Variants in GULP1 observed in about 807,000 individuals in gnomAD.
GULP1 encodes GULP PTB domain containing engulfment adaptor 1, also known as PTB domain-containing engulfment adapter protein 1.
Under a neutral mutation model 40.9 loss-of-function variants are expected in GULP1, and 19 were observed. The ratio of observed to expected loss-of-function variants is 0.46; its 90% CI spans 0.32 to 0.68. The LOEUF (loss-of-function observed/expected upper bound fraction) is 0.68. Ranked by LOEUF, GULP1 falls within the 30% of genes least tolerant of loss-of-function variation. GULP1 has a pLI of 0.03. For missense variants in GULP1, 312 were observed against 362.2 expected (o/e 0.86, Z 1.12); for synonymous variants, 119 against 117.6 (o/e 1.01, Z -0.08).
chr2:188,443,105 G>A (rs2058076999), intron 2 of GULP1, among the ~76,000 whole-genome samples: 1 of 151,988 alleles, frequency 6.6e-6, no homozygotes, highest in South Asian at 2.1e-4. Flanking sequence ...TTTGTATAAT[G>A]GTCTTGGGGA....
chr2:188,333,686 CAT>C (rs1373788414), intron 1 of GULP1, among the ~76,000 whole-genome samples: 2 of 152,158 alleles, frequency 1.3e-5, no homozygotes, highest in African/African-American at 4.8e-5. Context: ...ATTTAGAAGA[CAT>C]GTAATTTTAC....
chr2:188,507,670 C>T (rs2064070738), intron 4 of GULP1, among the ~76,000 whole-genome samples: 1 of 151,826 alleles, frequency 6.6e-6, no homozygotes, highest in Non-Finnish European at 1.5e-5. Flanking sequence ...ACTGAAGTGG[C>T]ATGTCACAAA....
intron 9 of GULP1, among the ~76,000 whole-genome samples, chr2:188,583,224 A>G (rs1209220515): frequency 1.3e-5 from 2 of 152,180 alleles, no homozygotes; most frequent in Non-Finnish European, 1.5e-5. Flanking sequence ...CATGAAAAAT[A>G]ATGTACTAGC....
intron 1 of GULP1, among the ~76,000 whole-genome samples, chr2:188,366,082 T>C (rs1275001711): frequency 2.0e-5 from 3 of 152,080 alleles, no homozygotes; most frequent in African/African-American, 7.2e-5. Context: ...GTTATCCAAC[T>C]TTCTGTGACA....
chr2:188,450,227 T>A (rs1202323477), intron 2 of GULP1, among the ~76,000 whole-genome samples: 3 of 152,190 alleles, frequency 2.0e-5, no homozygotes, highest in African/African-American at 7.2e-5. Context: ...TGAAAATAAT[T>A]ATTTTACTGA....
intron 9 of GULP1, among the ~76,000 whole-genome samples, chr2:188,577,559 GA>G (rs1262965841): frequency 1.3e-5 from 2 of 152,206 alleles, no homozygotes; most frequent in East Asian, 3.9e-4. Flanking sequence ...CTAACGGGAA[GA>G]AAAATATGTT....
intron 4 of GULP1, among the ~76,000 whole-genome samples, chr2:188,491,894 C>A (rs1329982059): frequency 1.3e-5 from 2 of 152,124 alleles, no homozygotes; most frequent in East Asian, 3.9e-4. Flanking sequence ...CATATTTTTA[C>A]ATTTAAGAAT....
chr2:188,492,651 A>G (rs180896958), intron 4 of GULP1, among the ~76,000 whole-genome samples: 1 of 151,898 alleles, frequency 6.6e-6, no homozygotes, highest in African/African-American at 2.4e-5. Context: ...ATTAACTTTA[A>G]AAAAAAAGAA....
At chr2:188,465,733 C>A (rs1006198423) in intron 2 of GULP1, among the ~76,000 whole-genome samples, 6 of 152,126 alleles carry the variant, frequency 3.9e-5, no homozygotes, top group Non-Finnish European at 8.8e-5. Flanking sequence ...ACAAGGGCAG[C>A]ACTGAGTTCA....
At chr2:188,310,423 G>A (rs1003923970) in intron 1 of GULP1, among the ~76,000 whole-genome samples, 3 of 152,194 alleles carry the variant, frequency 2.0e-5, no homozygotes, top group Non-Finnish European at 4.4e-5. Context: ...GAAATTGTTG[G>A]TTGATTGGAT....
chr2:188,537,279 T>C (rs1324437588), intron 6 of GULP1, among the ~76,000 whole-genome samples: 1 of 152,096 alleles, frequency 6.6e-6, no homozygotes, highest in African/African-American at 2.4e-5. Context: ...TCAAGGGGAA[T>C]GTTCCAGCTT....
At position 188,442,481 on chromosome 2, in the gene GULP1, A is replaced by G. The variant is rs530085049; in HGVS notation, c.-44-35178A>G. The stretch of plus-strand genomic sequence containing the variant: ...GCATTTAGATGTTATATTTATAAAA[A>G]TAAAACAAAAACACTTTCTAAGCCA... On this transcript the variant is annotated intron_variant, in intron 2 of 11. Transcript: ENST00000409830. Among the ~76,000 whole-genome samples, 69 of 152,362 alleles carry G rather than the reference A, an allele frequency of 4.5e-4. 3 individuals carry two copies. The South Asian group carries it at 0.014, about 31-fold the overall frequency.
At chr2:188,535,628 A>T (rs142358113) in intron 6 of GULP1, among the ~76,000 whole-genome samples, 1,872 of 152,234 alleles carry the variant, frequency 0.012, 19 homozygotes, top group South Asian at 0.057. Context: ...TGCCATTATG[A>T]ATAGTGCTGC....
chr2:188,374,384 A>C (rs2048021241), intron 1 of GULP1, among the ~76,000 whole-genome samples: 1 of 152,132 alleles, frequency 6.6e-6, no homozygotes, highest in East Asian at 1.9e-4. Flanking sequence ...AACTCAGTTA[A>C]GCCAAAGAAT....
intron 2 of GULP1, among the ~76,000 whole-genome samples, chr2:188,415,772 T>C (rs906122276): frequency 1.3e-5 from 2 of 152,154 alleles, no homozygotes; most frequent in East Asian, 1.9e-4. Flanking sequence ...AATTGAGTCC[T>C]GAAACTGAGT....
At chr2:188,377,630 C>T (rs938324547) in intron 1 of GULP1, among the ~76,000 whole-genome samples, 1 of 152,052 alleles carries the variant, frequency 6.6e-6, no homozygotes, top group Admixed American at 6.6e-5. Flanking sequence ...CCCAAACTTT[C>T]GATTAGGGAT....
intron 1 of GULP1, among the ~76,000 whole-genome samples, chr2:188,377,159 G>A (rs1162060376): frequency 6.7e-6 from 1 of 150,106 alleles, no homozygotes; most frequent in East Asian, 2.0e-4. Flanking sequence ...GCAACAGAGC[G>A]AGACTCCATC....
At chr2:188,558,521 T>G (rs1304959729) in intron 7 of GULP1, among the ~76,000 whole-genome samples, 2 of 152,112 alleles carry the variant, frequency 1.3e-5, no homozygotes, top group South Asian at 4.1e-4. Context: ...ATAGTGTAAA[T>G]TGGTACCAGT....
At chr2:188,386,097 C>G (rs764206905) in intron 2 of GULP1, among the ~76,000 whole-genome samples, 6 of 152,104 alleles carry the variant, frequency 3.9e-5, no homozygotes, top group Non-Finnish European at 8.8e-5. Context: ...CTGCTGATGA[C>G]GACATACCCA....
Sources: allele counts gnomAD v4.1 joint callset (sites outside exome capture counted in the v4.1 genomes callset), GRCh38; gene constraint gnomAD v4.1.1; transcripts MANE v1.5; gene names NCBI Gene and HGNC (gene_info 2026-07-23, HGNC 2026-07-21).